EWSR1: variants seen among roughly 807,000 people sequenced by gnomAD.
EWSR1 encodes EWS RNA binding protein 1, also known as RNA-binding protein EWS.
In EWSR1, 14 loss-of-function variants were observed where a neutral mutation model predicts 92.1. That is an observed-to-expected ratio of 0.15 (90% CI 0.10 to 0.24). The LOEUF (loss-of-function observed/expected upper bound fraction) is 0.24. Ranked by LOEUF, EWSR1 falls within the 10% of genes least tolerant of loss-of-function variation. EWSR1 has a pLI of 1.00. For synonymous variants in EWSR1, 303 were observed against 292.9 expected, an observed-to-expected ratio of 1.03 and a Z score of -0.35; for missense variants, 637 against 870.9, an observed-to-expected ratio of 0.73 and a Z score of 3.38.
At chr22:29,283,222 G>C (rs1410904669) in intron 6 of EWSR1, among the ~76,000 whole-genome samples, 1 of 152,216 alleles carries the variant, frequency 6.6e-6, no homozygotes, top group Non-Finnish European at 1.5e-5. Context: ...ATGCAGTTAG[G>C]ATAAGTAAAG....
intron 4 of EWSR1, among the ~76,000 whole-genome samples, chr22:29,275,317 G>T (rs779315346): frequency 6.6e-6 from 1 of 152,144 alleles, no homozygotes; most frequent in Non-Finnish European, 1.5e-5. Flanking sequence ...GGAATGAGAC[G>T]GAGTGATTTA....
At position 29,299,291 on chromosome 22, in the gene EWSR1, A is replaced by G. The variant is rs754318835; in HGVS notation, c.1638A>G (p.Pro546=). 2 of 1,614,032 alleles carry G rather than the reference A, an allele frequency of 1.2e-6. No individual in the cohort carries two copies. The highest frequency in any genetic ancestry group is 2.2e-5 in the South Asian group (2 of 91,074). ...WRTECNQCKA[P]KPEGFLPPPF... is the part of the protein sequence containing the mutation. ...CAGAGTGCAACCAGTGTAAGGCCCC[A>G]AAGCCTGAAGGCTTCCTCCCGCCAC... The change falls in exon 15 of 17, where the codon CCA becomes CCG. Residue 546 remains proline (P), a synonymous_variant. Transcript: ENST00000397938.
chr22:29,297,498 C>T (rs2060957097), intron 12 of EWSR1, among the ~76,000 whole-genome samples: 1 of 152,082 alleles, frequency 6.6e-6, no homozygotes, highest in Non-Finnish European at 1.5e-5. Flanking sequence ...TCACTAGCAG[C>T]CTGGGCAACC....
chr22:29,292,063 A>G (rs777503920), intron 9 of EWSR1, 74 bp from the exon 10 acceptor site: 19 of 1,269,840 alleles, frequency 1.5e-5, no homozygotes, highest in East Asian at 2.3e-5. Flanking sequence ...GTAGATAGCT[A>G]TGTGTGTTTG....
chr22:29,286,390 T>G (rs1230102340), intron 6 of EWSR1, among the ~76,000 whole-genome samples: 1 of 151,808 alleles, frequency 6.6e-6, no homozygotes, highest in African/African-American at 2.4e-5. Flanking sequence ...ATGGTGGTTA[T>G]AATATTTCCC....
At chr22:29,293,725 C>T (rs147142911) in intron 11 of EWSR1, among the ~76,000 whole-genome samples, 140 of 152,142 alleles carry the variant, frequency 9.2e-4, no homozygotes, top group African/African-American at 3.1e-3. Flanking sequence ...CCACCACACC[C>T]AGCTAATTTT....
chr22:29,300,473 G>T lies in EWSR1; in HGVS notation c.*312G>T. On this transcript the variant is annotated 3_prime_UTR_variant, in exon 17 of 17. Coordinates refer to ENST00000397938, the MANE Select transcript of EWSR1 (RefSeq NM_005243.4). ...CTTAACTGTAACAATGTTCATGGTT[G>T]TGATGTTTTTTTTTTTTTTTTAAAT... 3.8e-6 allele frequency: 1 copy of T among 262,346 alleles called. No homozygotes were observed. Among genetic ancestry groups the T allele is most frequent in the Non-Finnish European group, 7.1e-6 (1 of 140,834 alleles). The allele number at this position is 262,346 out of a possible 1,614,324, so 16.3% of individuals were successfully genotyped here. A position where few individuals can be genotyped will look rare whatever the true frequency, so the allele number is the denominator to read the frequency against.
Position 29,297,894 on chromosome 22 carries a change from G to A in EWSR1, c.1362G>A (p.Met454Ile), listed in dbSNP as rs908625027. ...GGAAGAAGCCTCCAATGAACAGTAT[G>A]CGGGGTGGTCTGCCACCCCGTGAGG... ...LARKKPPMNSMRGGLPPREGR... is the reference protein window; with the variant it reads ...LARKKPPMNSIRGGLPPREGR... The change falls in exon 13 of 17, where the codon ATG becomes ATA. Residue 454 changes from methionine (M) to isoleucine (I), a missense_variant. Around this residue, in one of 5 missense-constraint regions of EWSR1, gnomAD observed 363 missense variants for 447.8 expected, o/e 0.81. Coordinates refer to ENST00000397938, the MANE Select transcript of EWSR1 (RefSeq NM_005243.4). 3 of 1,614,056 alleles carry A rather than the reference G, an allele frequency of 1.9e-6. No homozygotes were observed. The highest frequency in any genetic ancestry group is 1.7e-6 in the Non-Finnish European group (2 of 1,179,964).
Position 29,296,507 on chromosome 22 carries a change from G to T in EWSR1, c.1294+139G>T, listed in dbSNP as rs131190. ...GATGGCCGGTCTCCCTGCAGTAGTA[G>T]TAGCACCCAGCCATTGACCCTGGAT... On this transcript the variant is annotated intron_variant, in intron 12 of 16. Transcript: ENST00000397938. 0.88 allele frequency: 785,289 copies of T among 895,734 alleles called. 344,803 individuals are homozygous for T. The highest frequency in any genetic ancestry group is 0.96 in the East Asian group (38,053 of 39,648). 55.5% of individuals were successfully genotyped at this position (895,734 alleles called of 1,614,324 possible).
intron 10 of EWSR1, 77 bp from the exon 11 acceptor site, chr22:29,292,411 G>T: frequency 1.0e-6 from 1 of 992,688 alleles, no homozygotes; most frequent in Non-Finnish European, 1.6e-6. Flanking sequence ...GAATATCCTT[G>T]GGCAGTAGTG....
Position 29,299,594 on chromosome 22 carries a change from C to G in EWSR1, c.1679-5C>G. On this transcript the variant is annotated splice_region_variant and splice_polypyrimidine_tract_variant and intron_variant, in intron 15 of 16. Coordinates refer to ENST00000397938, the MANE Select transcript of EWSR1 (RefSeq NM_005243.4). The stretch of plus-strand genomic sequence containing the variant: ...ACTGCTTTCGCCCTGCTATTCTCAC[C>G]TTAGGTGGTGATCGTGGCAGAGGTG... 6.3e-7 allele frequency: 1 copy of G among 1,593,150 alleles called. No individual in the cohort carries two copies. The highest frequency in any genetic ancestry group is 8.6e-7 in the Non-Finnish European group (1 of 1,167,866).
At chr22:29,272,766 T>C (rs529106377) in intron 3 of EWSR1, among the ~76,000 whole-genome samples, 1 of 152,368 alleles carries the variant, frequency 6.6e-6, no homozygotes, top group East Asian at 1.9e-4. Context: ...GATATGACCA[T>C]TCTGCAGAGG....
intron 11 of EWSR1, among the ~76,000 whole-genome samples, chr22:29,293,972 G>T (rs564749064): frequency 6.6e-6 from 1 of 151,874 alleles, no homozygotes; most frequent in Admixed American, 6.6e-5. Flanking sequence ...CTGCCTCCCG[G>T]GTCTCCTTGC....
intron 6 of EWSR1, among the ~76,000 whole-genome samples, chr22:29,286,150 G>GT (rs138155811): frequency 0.18 from 26,904 of 149,664 alleles, 2,611 homozygotes; most frequent in East Asian, 0.36. Flanking sequence ...GATTTTTTGG[G>GT]TTTTTTTTTG....
intron 1 of EWSR1, among the ~76,000 whole-genome samples, chr22:29,270,434 G>A (rs576291984): frequency 5.9e-5 from 9 of 152,260 alleles, no homozygotes; most frequent in East Asian, 1.9e-4. Context: ...TATTAGGTTG[G>A]TGCAAAAGTA....
At chr22:29,289,932 A>G (rs1057266260) in intron 8 of EWSR1, 1 of 231,008 alleles carries the variant, frequency 4.3e-6, no homozygotes, top group African/African-American at 2.2e-5. Context: ...AAAATACTCT[A>G]TTATAAAGGT....
chr22:29,296,676 A>G (rs2060887834), intron 12 of EWSR1, among the ~76,000 whole-genome samples: 1 of 151,986 alleles, frequency 6.6e-6, no homozygotes, highest in Non-Finnish European at 1.5e-5. Context: ...CATATAGATA[A>G]ATATATATAT....
chr22:29,290,436 A>G, intron 8 of EWSR1: 1 of 1,613,348 alleles, frequency 6.2e-7, no homozygotes, highest in Non-Finnish European at 8.5e-7. Context: ...AGCCTTGTAT[A>G]CACTTCAATA....
At chr22:29,277,987 T>C in intron 4 of EWSR1, 43 bp from the exon 5 acceptor site, 1 of 1,582,210 alleles carries the variant, frequency 6.3e-7, no homozygotes, top group East Asian at 2.2e-5. Flanking sequence ...TAGGCAGATC[T>C]CTGAGGGGAC....
Sources: gnomAD v4.1 joint callset for allele counts (sites outside exome capture counted in the v4.1 genomes callset) on GRCh38, gnomAD v4.1.1 for gene constraint, gnomAD v4.1.1 regional missense constraint, MANE v1.5 for transcripts, NCBI Gene and HGNC (gene_info 2026-07-23, HGNC 2026-07-21) for gene names.